The following HSPA4 variants were observed in gnomAD, a reference collection of about 807,000 sequenced individuals.
HSPA4 encodes the protein heat shock protein family A (Hsp70) member 4.
A neutral mutation model predicts 106.2 loss-of-function variants in HSPA4; 25 were observed. The ratio of observed to expected loss-of-function variants is 0.24; its 90% CI spans 0.17 to 0.33. The LOEUF (loss-of-function observed/expected upper bound fraction) is 0.33, where lower values mean the gene tolerates loss of function less well. Among genes scored for constraint, HSPA4 ranks in the 10% least tolerant of loss-of-function variants. The pLI is 1.00. For synonymous variants in HSPA4, 332 were observed against 333.6 expected, an observed-to-expected ratio of 1.00 and a Z score of 0.05; for missense variants, 841 against 996.0, an observed-to-expected ratio of 0.84 and a Z score of 2.10.
Position 133,077,159 on chromosome 5 carries a change from G to T in HSPA4, c.908+261G>T, listed in dbSNP as rs145434635. ...TTACATATGCATTTGTTATACACGA[G>T]ATTTCAGTTTCCAAAAAATCAGGGC... On this transcript the variant is annotated intron_variant, in intron 7 of 18. Transcript: ENST00000304858. Among the ~76,000 whole-genome samples, 216 of 152,264 alleles carry T rather than the reference G, an allele frequency of 1.4e-3. 2 individuals are homozygous for T. Among genetic ancestry groups the T allele is most frequent in the Admixed American group, 5.6e-3 (85 of 15,294 alleles).
At chr5:133,091,400 G>A in intron 12 of HSPA4, 26 bp downstream of exon 12, 1 of 1,568,074 alleles carries the variant, frequency 6.4e-7, no homozygotes, top group African/African-American at 1.4e-5. Flanking sequence ...TATACCACTT[G>A]TGATGGCCCA....
chr5:133,089,804 A>T, intron 11 of HSPA4, 109 bp downstream of exon 11: 6 of 812,544 alleles, frequency 7.4e-6, no homozygotes, highest in Non-Finnish European at 1.1e-5. Context: ...ACTTGAGCTG[A>T]GGAGTTCGAG....
At chr5:133,097,452 C>T (rs1765726670) in intron 15 of HSPA4, among the ~76,000 whole-genome samples, 166 bp downstream of exon 15, 1 of 151,634 alleles carries the variant, frequency 6.6e-6, no homozygotes, top group Non-Finnish European at 1.5e-5. Flanking sequence ...TCTATTAGTA[C>T]AGTGTTTAGT....
At position 133,052,174 on chromosome 5, in the gene HSPA4, C is replaced by A; in HGVS notation, c.-77C>A. ...CTCGGCCCAAGAGGCCTGCTTTCCACTCGCTAGCCCCGCCGGGGGTCCGTG... is the reference window on the plus strand; with the variant it reads ...CTCGGCCCAAGAGGCCTGCTTTCCAATCGCTAGCCCCGCCGGGGGTCCGTG... On this transcript the variant is annotated 5_prime_UTR_variant, in exon 1 of 19. Coordinates refer to ENST00000304858, the MANE Select transcript of HSPA4 (RefSeq NM_002154.4). 1 of 1,036,574 alleles carries A rather than the reference C, an allele frequency of 9.6e-7. No individual in the cohort carries two copies. The highest frequency in any genetic ancestry group is 1.4e-5 in the South Asian group (1 of 72,774). The allele number at this position is 1,036,574 out of a possible 1,614,324, so 64.2% of individuals were successfully genotyped here.
At chr5:133,081,311 G>A (rs1765512639) in intron 7 of HSPA4, among the ~76,000 whole-genome samples, 5 of 152,204 alleles carry the variant, frequency 3.3e-5, no homozygotes, top group Admixed American at 3.3e-4. Context: ...GCCTCTCAAA[G>A]TGCGGGGATT....
intron 1 of HSPA4, among the ~76,000 whole-genome samples, chr5:133,060,225 A>G (rs1765222151): frequency 6.6e-6 from 1 of 152,096 alleles, no homozygotes; most frequent in African/African-American, 2.4e-5. Flanking sequence ...TTCTACAGTA[A>G]ACTTGTACCA....
intron 17 of HSPA4, among the ~76,000 whole-genome samples, chr5:133,102,913 C>CTTTTT (rs533273263): frequency 2.9e-5 from 3 of 103,338 alleles, no homozygotes; most frequent in African/African-American, 4.3e-5. Flanking sequence ...CTAGGGTTGT[C>CTTTTT]TTTTTTTTTT....
At chr5:133,058,997 A>T (rs915028271) in intron 1 of HSPA4, among the ~76,000 whole-genome samples, 3 of 149,926 alleles carry the variant, frequency 2.0e-5, no homozygotes, top group Non-Finnish European at 4.4e-5. Context: ...GTGTGGTGGC[A>T]CGCGCCTGTA....
chr5:133,093,826 G>C (rs1765679848), intron 13 of HSPA4, among the ~76,000 whole-genome samples: 1 of 152,148 alleles, frequency 6.6e-6, no homozygotes, highest in Non-Finnish European at 1.5e-5. Context: ...CTGGTTCAGT[G>C]GTTCATGCTT....
chr5:133,078,206 C>T (rs1382006615), intron 7 of HSPA4, among the ~76,000 whole-genome samples: 1 of 151,984 alleles, frequency 6.6e-6, no homozygotes, highest in African/African-American at 2.4e-5. Flanking sequence ...GTGGCGGGTG[C>T]CTGTAGTCCC....
At chr5:133,103,659 G>T (rs1765818118) in intron 17 of HSPA4, among the ~76,000 whole-genome samples, 1 of 152,078 alleles carries the variant, frequency 6.6e-6, no homozygotes, top group African/African-American at 2.4e-5. Flanking sequence ...GAATTTTCTT[G>T]ACCTTTAAAA....
intron 4 of HSPA4, 66 bp downstream of exon 4, chr5:133,070,562 T>C: frequency 6.4e-7 from 1 of 1,570,044 alleles, no homozygotes; most frequent in Non-Finnish European, 8.7e-7. Context: ...AAGCTGCTAA[T>C]TTCAAGTAAA....
At chr5:133,097,066 G>T (rs1765721533) in intron 14 of HSPA4, 95 bp from the exon 15 acceptor site, 1 of 963,466 alleles carries the variant, frequency 1.0e-6, no homozygotes, top group East Asian at 2.7e-5. Context: ...AAAAGGATTT[G>T]GGGAAGAAAG....
intron 7 of HSPA4, among the ~76,000 whole-genome samples, chr5:133,086,234 A>C (rs1765576873): frequency 6.6e-6 from 1 of 151,778 alleles, no homozygotes; most frequent in Admixed American, 6.6e-5. Context: ...CAAACAAAAA[A>C]CAAACTCTGT....
chr5:133,061,401 T>C lies in HSPA4; in HGVS notation c.108-3579T>C, dbSNP rs762340725. Among the ~76,000 whole-genome samples the C allele has an allele frequency of 4.9e-4, 74 of 150,220 alleles. 1 individual carries two copies. The highest frequency in any genetic ancestry group is 2.1e-3 in the Admixed American group (32 of 15,126). ...CCTCCCAAAGTGCTGGGATTACAGG[T>C]GTGAGCCACCGCGCCCGGCCGTGTT... On this transcript the variant is annotated intron_variant, in intron 1 of 18. Transcript: ENST00000304858.
At position 133,052,151 on chromosome 5, in the gene HSPA4, CGGCCCAAGA is replaced by C; in HGVS notation, c.-95_-87del. The C allele has an allele frequency of 1.3e-6, 1 of 774,678 alleles. No individual in the cohort carries two copies. The allele number at this position is 774,678 out of a possible 1,614,324, so 48.0% of individuals were successfully genotyped here. On this transcript the variant is annotated 5_prime_UTR_variant, in exon 1 of 19. Coordinates refer to ENST00000304858, the MANE Select transcript of HSPA4 (RefSeq NM_002154.4). ...GACACCGCAAGCCCCTCAGTAGCCT[CGGCCCAAGA>C]GGCCTGCTTTCCACTCGCTAGCCCC...
intron 6 of HSPA4, among the ~76,000 whole-genome samples, chr5:133,075,865 C>G (rs1361236571): frequency 6.6e-6 from 1 of 151,968 alleles, no homozygotes; most frequent in Non-Finnish European, 1.5e-5. Flanking sequence ...AAGTTACTTA[C>G]AATCTTACCA....
intron 1 of HSPA4, among the ~76,000 whole-genome samples, chr5:133,061,448 T>G (rs954929587): frequency 6.6e-5 from 10 of 151,946 alleles, no homozygotes; most frequent in African/African-American, 2.2e-4. Context: ...TGTTCATGAC[T>G]TCTTCCAACC....
chr5:133,057,486 A>G (rs1333315614), intron 1 of HSPA4, among the ~76,000 whole-genome samples: 2 of 152,158 alleles, frequency 1.3e-5, no homozygotes, highest in East Asian at 3.9e-4. Context: ...AGCCTCCCGA[A>G]TAGCTGGGAC....
Sources: allele counts gnomAD v4.1 joint callset (sites outside exome capture counted in the v4.1 genomes callset), GRCh38; gene constraint gnomAD v4.1.1; transcripts MANE v1.5; gene names NCBI Gene and HGNC (gene_info 2026-07-23, HGNC 2026-07-21).